PTCRA: variants seen among roughly 807,000 people sequenced by gnomAD.
The protein encoded by PTCRA is pre T-cell antigen receptor alpha.
Under a neutral mutation model 13.4 loss-of-function variants are expected in PTCRA, and 9 were observed. The ratio of observed to expected loss-of-function variants is 0.67; its 90% CI spans 0.41 to 1.18. The LOEUF (loss-of-function observed/expected upper bound fraction) is 1.18, where lower values mean the gene tolerates loss of function less well. Ranked by LOEUF, PTCRA falls within the 50% of genes most tolerant of loss-of-function variation. The pLI is 0.01. For missense variants in PTCRA, 353 were observed against 359.8 expected (o/e 0.98, Z 0.15); for synonymous variants, 153 against 161.9 (o/e 0.94, Z 0.42).
chr6:42,925,522 C>A lies in PTCRA; in HGVS notation c.686C>A (p.Pro229His), dbSNP rs578157654. The A allele has an allele frequency of 6.3e-7, 1 of 1,580,164 alleles. No homozygotes were observed. The highest frequency in any genetic ancestry group is 1.2e-5 in the South Asian group (1 of 86,682). The change falls in exon 4 of 4, where the codon CCC becomes CAC. Residue 229 changes from proline to histidine, a missense_variant. By Grantham distance (77) the Pro-to-His change is moderately conservative. Coordinates refer to ENST00000304672, the MANE Select transcript of PTCRA (RefSeq NM_138296.3). The surrounding 1 kb of genome is among the most constrained non-coding windows in gnomAD (Gnocchi z 4.4). ...RWGDTPPGRK[P>H]GSPVWGEGSY... is the part of the protein sequence containing the mutation. ...GGTGACACCCCTCCGGGTCGGAAGC[C>A]CGGGAGCCCAGTATGGGGGGAAGGG...
At position 42,925,031 on chromosome 6, in the gene PTCRA, C is replaced by T. The variant is rs1278321944; in HGVS notation, c.425-230C>T. 1.3e-5 allele frequency among the ~76,000 whole-genome samples: 2 copies of T among 151,874 alleles called. No individual in the cohort carries two copies. Among genetic ancestry groups the T allele is most frequent in the Non-Finnish European group, 2.9e-5 (2 of 67,992 alleles). ...TGCATCAGATGCTAATTAATTCCTG[C>T]GTGGCCCCCACCCCTACCCCCATGA... On this transcript the variant is annotated intron_variant, in intron 3 of 3. Transcript: ENST00000304672. This position sits in a 1 kb window ranked among gnomAD's most constrained non-coding sequence, Gnocchi z 4.4.
At chr6:42,922,566 T>A (rs542011637) in intron 1 of PTCRA, among the ~76,000 whole-genome samples, 17 of 151,260 alleles carry the variant, frequency 1.1e-4, no homozygotes, top group Admixed American at 2.0e-4. Flanking sequence ...GGCTAACACG[T>A]CTCTACTAAA....
At chr6:42,921,801 G>A (rs1767184102) in intron 1 of PTCRA, among the ~76,000 whole-genome samples, 1 of 149,864 alleles carries the variant, frequency 6.7e-6, no homozygotes, top group Admixed American at 6.6e-5. Flanking sequence ...TGGGAGGCCA[G>A]GGCGGGCAGA....
intron 1 of PTCRA, among the ~76,000 whole-genome samples, chr6:42,921,525 C>T (rs1391316012): frequency 7.0e-6 from 1 of 143,600 alleles, no homozygotes; most frequent in African/African-American, 2.6e-5. Context: ...TCAAGTGATT[C>T]TCCTGCCGCA....
Position 42,924,250 on chromosome 6 carries a change from C to T in PTCRA, c.401C>T (p.Thr134Ile), listed in dbSNP as rs767210145. 6.2e-7 allele frequency: 1 copy of T among 1,611,898 alleles called. No homozygotes were observed. Among genetic ancestry groups the T allele is most frequent in the Non-Finnish European group, 8.5e-7 (1 of 1,179,330 alleles). The change falls in exon 3 of 4, where the codon ACC (threonine) becomes ATC (isoleucine). Residue 134 changes from threonine (T) to isoleucine (I), a missense_variant. Coordinates refer to ENST00000304672, the MANE Select transcript of PTCRA (RefSeq NM_138296.3). The part of the protein sequence containing the change: ...HLSGEASTAR[T>I]CPQEPLRGTP... ...ACAGGAGAGGCTTCTACAGCCAGGA[C>T]CTGCCCCCAGGAGCCTCTCAGGGGT...
At chr6:42,919,062 T>C (rs1282051727) in intron 1 of PTCRA, among the ~76,000 whole-genome samples, 3 of 150,696 alleles carry the variant, frequency 2.0e-5, no homozygotes, top group African/African-American at 7.4e-5. Flanking sequence ...TTTAATTTTT[T>C]GAGACAGAGT....
At chr6:42,917,767 C>G (rs1032074078) in intron 1 of PTCRA, among the ~76,000 whole-genome samples, 1 of 149,594 alleles carries the variant, frequency 6.7e-6, no homozygotes, top group African/African-American at 2.5e-5. Flanking sequence ...CCAGGCTGGT[C>G]CCGAACTCCT....
Position 42,923,349 on chromosome 6 carries a change from T to A in PTCRA, c.379+2T>A, listed in dbSNP as rs769827004. 2.2e-5 allele frequency: 36 copies of A among 1,613,522 alleles called. No homozygotes were observed. In the Admixed American group the frequency reaches 5.7e-4, roughly 25 times the overall value. ...GTACACAGCCCATGCATCTGTCAGG[T>A]GGGGATGGAGCCTGGGCCCTTGCGG... is the stretch of plus-strand genomic sequence containing the variant. On this transcript the variant is annotated splice_donor_variant, in intron 2 of 3. Coordinates refer to ENST00000304672, the MANE Select transcript of PTCRA (RefSeq NM_138296.3). LOFTEE classifies it high-confidence loss of function.
At chr6:42,924,739 G>A (rs973507350) in intron 3 of PTCRA, among the ~76,000 whole-genome samples, 27 of 152,132 alleles carry the variant, frequency 1.8e-4, no homozygotes, top group African/African-American at 6.5e-4. Context: ...TTGGGAGGCC[G>A]AGGTGGGTGG....
At position 42,925,834 on chromosome 6, in the gene PTCRA, G is replaced by C; in HGVS notation, c.*152G>C. On this transcript the variant is annotated 3_prime_UTR_variant, in exon 4 of 4. Coordinates refer to ENST00000304672, the MANE Select transcript of PTCRA (RefSeq NM_138296.3). This position sits in a 1 kb window ranked among gnomAD's most constrained non-coding sequence, Gnocchi z 4.4. ...ATTAAAAAAGAACTTAAATGACACA[G>C]CAAATGAAAAATATTTGAATTCATG... The C allele has an allele frequency of 2.1e-6, 1 of 485,506 alleles. No homozygotes were observed. The highest frequency in any genetic ancestry group is 3.6e-6 in the Non-Finnish European group (1 of 279,550). 30.1% of individuals were successfully genotyped at this position (485,506 alleles called of 1,614,324 possible).
chr6:42,916,082 T>C lies in PTCRA; in HGVS notation c.13T>C (p.Trp5Arg). 6.2e-7 allele frequency: 1 copy of C among 1,614,046 alleles called. No homozygotes were observed. The highest frequency in any genetic ancestry group is 8.5e-7 in the Non-Finnish European group (1 of 1,179,922). Residue 5 changes from tryptophan to arginine, a missense_variant, in exon 1 of 4, where the codon TGG (tryptophan) becomes CGG (arginine). Physicochemically the swap from Trp to Arg is moderately radical, Grantham distance 101. Transcript: ENST00000304672. MAGT[W>R]LLLLLALGCP... ...TTCCGAGTGGGCCATGGCCGGTACATGGCTGCTACTTCTCCTGGCCCTTGG... is the reference window on the plus strand; with the variant it reads ...TTCCGAGTGGGCCATGGCCGGTACACGGCTGCTACTTCTCCTGGCCCTTGG...
intron 2 of PTCRA, among the ~76,000 whole-genome samples, chr6:42,923,839 ACAGT>A (rs1435809404): frequency 6.6e-6 from 1 of 152,322 alleles, no homozygotes; most frequent in African/African-American, 2.4e-5. Flanking sequence ...GTATTTTGAA[ACAGT>A]CAGCTATTAT....
Position 42,925,153 on chromosome 6 carries a change from G to T in PTCRA, c.425-108G>T, listed in dbSNP as rs1767363908. On this transcript the variant is annotated intron_variant, in intron 3 of 3. Transcript: ENST00000304672. This position sits in a 1 kb window ranked among gnomAD's most constrained non-coding sequence, Gnocchi z 4.4. ...CCGGGAAGGACTTTCCCTGGAGGAG[G>T]GGGTGAAGGGGACGGGCAAGGGCAG... is the stretch of plus-strand genomic sequence containing the variant. The T allele has an allele frequency of 3.6e-6, 5 of 1,406,574 alleles. No homozygotes were observed. The Admixed American group carries it at 7.4e-5, about 21-fold the overall frequency. The allele number at this position is 1,406,574 out of a possible 1,614,324, so 87.1% of individuals were successfully genotyped here. A position where few individuals can be genotyped will look rare whatever the true frequency, so the allele number is the denominator to read the frequency against.
At chr6:42,921,651 C>T (rs1437442056) in intron 1 of PTCRA, among the ~76,000 whole-genome samples, 1 of 145,524 alleles carries the variant, frequency 6.9e-6, no homozygotes, top group Non-Finnish European at 1.5e-5. Context: ...CTCCTGACCT[C>T]GTGATCTGCC....
At position 42,916,171 on chromosome 6, in the gene PTCRA, C is replaced by T. The variant is rs181256585; in HGVS notation, c.58+44C>T. 1.0e-5 allele frequency: 16 copies of T among 1,586,152 alleles called. No homozygotes were observed. The Admixed American group carries it at 2.5e-4, about 25-fold the overall frequency. Reference sequence around the variant, plus strand: ...TTCCTCTCTGTCCCTCCTCAGTCTGCCGAAGCCCATCCCCTCACTCTGGAC... The same window carrying T: ...TTCCTCTCTGTCCCTCCTCAGTCTGTCGAAGCCCATCCCCTCACTCTGGAC... On this transcript the variant is annotated intron_variant, in intron 1 of 3. Transcript: ENST00000304672.
intron 1 of PTCRA, 95 bp from the exon 2 acceptor site, chr6:42,922,932 G>C: frequency 8.5e-7 from 1 of 1,176,144 alleles, no homozygotes; most frequent in Non-Finnish European, 1.2e-6. Flanking sequence ...TGGATGGATG[G>C]AAAGACAGAA....
At chr6:42,922,030 G>T (rs1767194123) in intron 1 of PTCRA, among the ~76,000 whole-genome samples, 1 of 151,598 alleles carries the variant, frequency 6.6e-6, no homozygotes, top group Non-Finnish European at 1.5e-5. Context: ...GTCTCAAAAA[G>T]CAAGCAAAAA....
chr6:42,921,364 A>G lies in PTCRA; in HGVS notation c.59-1663A>G, dbSNP rs909967925. On this transcript the variant is annotated intron_variant, in intron 1 of 3. Transcript: ENST00000304672. ...TGATCGCCCTGCCTCAGCCTCCCAAAGTGCTAGGATTACATGCGTGAGCCA... is the reference window on the plus strand; with the variant it reads ...TGATCGCCCTGCCTCAGCCTCCCAAGGTGCTAGGATTACATGCGTGAGCCA... 2.0e-5 allele frequency among the ~76,000 whole-genome samples: 3 copies of G among 148,220 alleles called. No individual in the cohort carries two copies. The Admixed American group carries it at 2.0e-4, about 10-fold the overall frequency.
chr6:42,923,083 G>A lies in PTCRA; in HGVS notation c.115G>A (p.Gly39Arg), dbSNP rs757865292. 5 of 1,614,134 alleles carry A rather than the reference G, an allele frequency of 3.1e-6. No individual in the cohort carries two copies. The South Asian group carries it at 5.5e-5, about 18-fold the overall frequency. Reference sequence around the variant, plus strand: ...CCCACCAATCATGCTGCTGGTGGATGGAAAGCAGCAGATGGTGGTGGTCTG... The same window carrying A: ...CCCACCAATCATGCTGCTGGTGGATAGAAAGCAGCAGATGGTGGTGGTCTG... ...LAPPIMLLVD[G>R]KQQMVVVCLV... Residue 39 changes from glycine to arginine, a missense_variant, in exon 2 of 4, where the codon GGA becomes AGA. Coordinates refer to ENST00000304672, the MANE Select transcript of PTCRA (RefSeq NM_138296.3).
Sources: gnomAD v4.1 joint callset for allele counts (sites outside exome capture counted in the v4.1 genomes callset) on GRCh38, gnomAD v4.1.1 for gene constraint, Gnocchi (gnomAD v3.1) non-coding constraint, MANE v1.5 for transcripts, NCBI Gene and HGNC (gene_info 2026-07-23, HGNC 2026-07-21) for gene names.